Variants in GSDMC observed in about 807,000 individuals in gnomAD.
GSDMC encodes gasdermin-C.
In GSDMC, 59 loss-of-function variants were observed where a neutral mutation model predicts 58.0. The observed-to-expected ratio is 1.02, with a 90% CI of 0.82 to 1.26. The LOEUF is 1.26. Ranked by LOEUF, GSDMC falls within the 50% of genes most tolerant of loss-of-function variation. GSDMC has a pLI of 0.00. For synonymous variants in GSDMC, 241 were observed against 220.2 expected (o/e 1.09, Z -0.83); for missense variants, 659 against 598.5 (o/e 1.10, Z -1.06).
chr8:129,718,954 G>A, the GSDMC span, among the ~76,000 whole-genome samples: 1 of 152,100 alleles, frequency 6.6e-6, no homozygotes, highest in Non-Finnish European at 1.5e-5. Context: ...AACACCACAT[G>A]TTCTCACTCA....
At chr8:129,760,636 T>TGCCTGAGTCTTTCCCATA (rs11276511) in intron 5 of GSDMC, 47 bp from the exon 6 acceptor site, 575,400 of 1,082,414 alleles carry the variant, frequency 0.53, 162,288 homozygotes, top group East Asian at 0.72. Context: ...AGGTTATTCC[T>TGCCTGAGTCTTTCCCATA]GCCTGAACCT....
At chr8:129,741,057 A>G in the GSDMC span, among the ~76,000 whole-genome samples, 2 of 151,822 alleles carry the variant, frequency 1.3e-5, 1 homozygote, top group South Asian at 4.2e-4. Context: ...TATTCTTCTG[A>G]ATGTGGATAT....
At chr8:129,732,787 G>A in the GSDMC span, among the ~76,000 whole-genome samples, 1 of 152,196 alleles carries the variant, frequency 6.6e-6, no homozygotes, top group African/African-American at 2.4e-5. Context: ...TGAGGTACCT[G>A]GTTCATCTCA....
At chr8:129,785,370 G>T (rs1204559050) in intron 1 of GSDMC, among the ~76,000 whole-genome samples, 5 of 147,766 alleles carry the variant, frequency 3.4e-5, no homozygotes, top group Non-Finnish European at 7.5e-5. Context: ...AGAGTAAAAT[G>T]ATGGTTACCA....
the GSDMC span, among the ~76,000 whole-genome samples, chr8:129,712,881 G>T: frequency 6.6e-6 from 1 of 152,214 alleles, no homozygotes; most frequent in Non-Finnish European, 1.5e-5. Context: ...CATAGACGAG[G>T]CTGAGAGGTT....
At chr8:129,732,581 G>A in the GSDMC span, among the ~76,000 whole-genome samples, 2 of 152,124 alleles carry the variant, frequency 1.3e-5, no homozygotes, top group Admixed American at 1.3e-4. Context: ...TAATCAAAAT[G>A]GAAACTCGGA....
the GSDMC span, among the ~76,000 whole-genome samples, chr8:129,734,899 T>C: frequency 6.6e-6 from 1 of 152,178 alleles, no homozygotes; most frequent in Non-Finnish European, 1.5e-5. Flanking sequence ...CCCATCAGTG[T>C]GCTGTATTCA....
the GSDMC span, among the ~76,000 whole-genome samples, chr8:129,718,505 C>T: frequency 7.3e-3 from 1,113 of 152,110 alleles, 9 homozygotes; most frequent in African/African-American, 0.026. Context: ...CCAGGTAGAA[C>T]GGTGATTATT....
At chr8:129,734,505 G>C in the GSDMC span, among the ~76,000 whole-genome samples, 1 of 152,190 alleles carries the variant, frequency 6.6e-6, no homozygotes, top group Admixed American at 6.5e-5. Flanking sequence ...AGCCAGATGA[G>C]AGTGGGGGCC....
intron 3 of GSDMC, among the ~76,000 whole-genome samples, chr8:129,775,541 T>A (rs2034197239): frequency 6.6e-6 from 1 of 152,166 alleles, no homozygotes; most frequent in South Asian, 2.1e-4. Flanking sequence ...CTAGGTAAAG[T>A]AATAGATATG....
the GSDMC span, among the ~76,000 whole-genome samples, chr8:129,731,499 C>G: frequency 0.32 from 49,404 of 152,166 alleles, 11,622 homozygotes; most frequent in African/African-American, 0.65. Context: ...GGATTGGCTT[C>G]TGTGATTATT....
the GSDMC span, among the ~76,000 whole-genome samples, chr8:129,728,382 T>C: frequency 6.6e-6 from 1 of 152,126 alleles, no homozygotes; most frequent in Non-Finnish European, 1.5e-5. Context: ...GCATCCACTT[T>C]CCTGGATTAG....
rs760297354 is a variant in GSDMC at position 129,748,655 on chromosome 8, C to T, written c.1373G>A (p.Ser458Asn). 2 of 1,610,578 alleles carry T rather than the reference C, an allele frequency of 1.2e-6. No individual in the cohort carries two copies. The highest frequency in any genetic ancestry group is 1.7e-6 in the Non-Finnish European group (2 of 1,178,508). Residue 458 changes from serine to asparagine, a missense_variant, in exon 14 of 14, where the codon AGT (serine) becomes AAT (asparagine). Physicochemically the swap from Ser to Asn is conservative, Grantham distance 46. Transcript: ENST00000276708. ...LKPELLAPLQSEGLAITYGLL... is the reference protein window; with the variant it reads ...LKPELLAPLQNEGLAITYGLL... ...GCCATAGGTGATGGCCAAACCCTCA[C>T]TCTGGAGTGGGGCGAGGAGCTCAGG...
chr8:129,756,563 T>C (rs1268979983), intron 6 of GSDMC, among the ~76,000 whole-genome samples: 1 of 152,182 alleles, frequency 6.6e-6, no homozygotes, highest in East Asian at 1.9e-4. Flanking sequence ...AGCTAATAGA[T>C]ACTTAGAGAA....
the GSDMC span, chr8:129,728,985 G>T: frequency 1.5e-6 from 1 of 667,798 alleles, no homozygotes; most frequent in Non-Finnish European, 2.8e-6. Context: ...GGAGCTGCGG[G>T]AGACCAAGAG....
At chr8:129,752,001 C>T (rs571964532) in intron 8 of GSDMC, 105 bp downstream of exon 8, 6 of 1,453,118 alleles carry the variant, frequency 4.1e-6, no homozygotes, top group Non-Finnish European at 5.8e-6. Flanking sequence ...CTGCCCTTTT[C>T]CCCAGAGGCC....
At position 129,748,735 on chromosome 8, in the gene GSDMC, C is replaced by T; in HGVS notation, c.1293G>A (p.Arg431=). 1.3e-6 allele frequency: 2 copies of T among 1,515,304 alleles called. No individual in the cohort carries two copies. The highest frequency in any genetic ancestry group is 1.8e-6 in the Non-Finnish European group (2 of 1,134,364). 93.9% of individuals were successfully genotyped at this position (1,515,304 alleles called of 1,614,324 possible). ...ATCTGAAGTTTGGCTCCAGGATGCTCCTTACCTAGAAGAAAGATGATCAGG... is the reference window on the plus strand; with the variant it reads ...ATCTGAAGTTTGGCTCCAGGATGCTTCTTACCTAGAAGAAAGATGATCAGG... ...RILLQQQELV[R]SILEPNFRYP... Residue 431 remains arginine (R), a synonymous_variant, in exon 14 of 14, where the codon AGG becomes AGA. Coordinates refer to ENST00000276708, the MANE Select transcript of GSDMC (RefSeq NM_031415.3).
In GSDMC at chr8:129,775,973, G is replaced by T. The variant is rs1243945427; in HGVS notation, c.404+129C>A. On this transcript the variant is annotated intron_variant, in intron 3 of 13. Coordinates refer to ENST00000276708, the MANE Select transcript of GSDMC (RefSeq NM_031415.3). The stretch of plus-strand genomic sequence containing the variant: ...GAGGTATGAATACTCAAGAAGAGTA[G>T]CAAAATCTGGGCTGTCATCATCTTG... The T allele has an allele frequency of 5.8e-6, 4 of 688,272 alleles. No individual in the cohort carries two copies. In the Admixed American group the frequency reaches 1.2e-4, roughly 21 times the overall value. The allele number at this position is 688,272 out of a possible 1,614,324, so 42.6% of individuals were successfully genotyped here. A position where few individuals can be genotyped will look rare whatever the true frequency, so the allele number is the denominator to read the frequency against.
chr8:129,736,282 C>T, the GSDMC span, among the ~76,000 whole-genome samples: 1 of 152,136 alleles, frequency 6.6e-6, no homozygotes, highest in Non-Finnish European at 1.5e-5. Flanking sequence ...AATCCTAACT[C>T]ATTTTATGAG....
Sources: gnomAD v4.1 joint callset for allele counts (sites outside exome capture counted in the v4.1 genomes callset) on GRCh38, gnomAD v4.1.1 for gene constraint, MANE v1.5 for transcripts, NCBI Gene and HGNC (gene_info 2026-07-23, HGNC 2026-07-21) for gene names.